Variants in SLC1A5 observed in about 807,000 individuals in gnomAD.
SLC1A5 encodes the protein solute carrier family 1 member 5, also known as neutral amino acid transporter B(0).
In SLC1A5, 25 loss-of-function variants were observed where a neutral mutation model predicts 34.9. The observed-to-expected ratio is 0.72, with a 90% CI of 0.52 to 1.00. The LOEUF (loss-of-function observed/expected upper bound fraction) is 1.00, where lower values mean the gene tolerates loss of function less well. SLC1A5 is among the 50% of genes least tolerant of loss of function. The pLI is 0.00. For missense variants in SLC1A5, 637 were observed against 740.0 expected (o/e 0.86, Z 1.61); for synonymous variants, 351 against 341.2 (o/e 1.03, Z -0.32).
chr19:46,776,968 C>T lies in SLC1A5; in HGVS notation c.1388+7G>A, dbSNP rs1477285785. ...GGCCCTGCCCCAGTCTCCAGACCCA[C>T]ACTCACACTAGCCAGTCCACAGCCA... On this transcript the variant is annotated splice_region_variant and intron_variant, in intron 7 of 7. Transcript: ENST00000542575. 2.5e-6 allele frequency: 4 copies of T among 1,612,912 alleles called. No individual in the cohort carries two copies. In the South Asian group the frequency reaches 3.3e-5, roughly 13 times the overall value.
intron 1 of SLC1A5, 173 bp from the exon 2 acceptor site, chr19:46,784,732 C>G: frequency 6.7e-7 from 1 of 1,499,322 alleles, no homozygotes; most frequent in South Asian, 1.3e-5. Flanking sequence ...TAGGCTTGCA[C>G]CCCTTTGCAG....
chr19:46,788,069 T>C lies in SLC1A5; in HGVS notation c.-104A>G. 1 of 1,070,650 alleles carries C rather than the reference T, an allele frequency of 9.3e-7. No homozygotes were observed. Among genetic ancestry groups the C allele is most frequent in the Non-Finnish European group, 1.3e-6 (1 of 758,030 alleles). The allele number at this position is 1,070,650 out of a possible 1,614,324, so 66.3% of individuals were successfully genotyped here. A position where few individuals can be genotyped will look rare whatever the true frequency, so the allele number is the denominator to read the frequency against. ...TAGGACTGAGTTGAGTAACAGCACC[T>C]GGAGACTGGAACTTTGGAGGGCTCC... On this transcript the variant is annotated 5_prime_UTR_variant, in exon 1 of 8. Coordinates refer to ENST00000542575, the MANE Select transcript of SLC1A5 (RefSeq NM_005628.3).
chr19:46,778,676 T>C lies in SLC1A5; in HGVS notation c.1057A>G (p.Ser353Gly). ...PLATAFGTSS[S>G]SATLPLMMKC... ...CCCTAGCCCACCCCAAGGCCGTACCTGGAAGAGGTCCCAAAGGCAGTGGCC... is the reference window on the plus strand; with the variant it reads ...CCCTAGCCCACCCCAAGGCCGTACCCGGAAGAGGTCCCAAAGGCAGTGGCC... The change falls in exon 5 of 8, where the codon AGT becomes GGT. Residue 353 changes from serine to glycine, a missense_variant and splice_region_variant. Physicochemically the swap from Ser to Gly is moderately conservative, Grantham distance 56 (BLOSUM62 0). Transcript: ENST00000542575. The C allele has an allele frequency of 1.2e-6, 1 of 827,870 alleles. No individual in the cohort carries two copies. The highest frequency in any genetic ancestry group is 1.9e-6 in the Non-Finnish European group (1 of 528,118). 51.3% of individuals were successfully genotyped at this position (827,870 alleles called of 1,614,324 possible).
rs1021901214 is a variant in SLC1A5, at chr19:46,788,232, C to T, written c.-267G>A. 15 of 450,056 alleles carry T rather than the reference C, an allele frequency of 3.3e-5. No homozygotes were observed. The highest frequency in any genetic ancestry group is 2.9e-4 in the African/African-American group (14 of 48,302). The allele number at this position is 450,056 out of a possible 1,614,324, so 27.9% of individuals were successfully genotyped here. ...CCGAAAGCTGGGAGTTCGGAGCGCC[C>T]GGGTTCCTTGGCCCTAGGAGCTGGG... On this transcript the variant is annotated 5_prime_UTR_variant, in exon 1 of 8. Transcript: ENST00000542575.
chr19:46,775,381 G>T lies in SLC1A5; in HGVS notation c.*129C>A. On this transcript the variant is annotated 3_prime_UTR_variant, in exon 8 of 8. Transcript: ENST00000542575. ...TCCCAGATCTCCTGTCCTGGAGGGT[G>T]CTGGGGCCCCTGGCTCCCCAGAGTG... The T allele has an allele frequency of 1.3e-6, 2 of 1,508,076 alleles. No individual in the cohort carries two copies. 93.4% of individuals were successfully genotyped at this position (1,508,076 alleles called of 1,614,324 possible). A position where few individuals can be genotyped will look rare whatever the true frequency, so the allele number is the denominator to read the frequency against.
Position 46,775,207 on chromosome 19 carries a change from CA to C in SLC1A5, c.*302del, listed in dbSNP as rs1395380329. 3 of 1,102,698 alleles carry C rather than the reference CA, an allele frequency of 2.7e-6. No individual in the cohort carries two copies. The highest frequency in any genetic ancestry group is 1.6e-5 in the African/African-American group (1 of 61,014). 68.3% of individuals were successfully genotyped at this position (1,102,698 alleles called of 1,614,324 possible). A position where few individuals can be genotyped will look rare whatever the true frequency, so the allele number is the denominator to read the frequency against. On this transcript the variant is annotated 3_prime_UTR_variant, in exon 8 of 8. Transcript: ENST00000542575. Reference sequence around the variant, plus strand: ...GTGACCTGTGACCTGCTCCCTGAGACAGGGGAGGCCAGGCAGGTCACGGTGG... The same window carrying C: ...GTGACCTGTGACCTGCTCCCTGAGACGGGGAGGCCAGGCAGGTCACGGTGG...
At position 46,774,955 on chromosome 19, in the gene SLC1A5, C is replaced by A; in HGVS notation, c.*555G>T. 8.1e-6 allele frequency: 8 copies of A among 986,012 alleles called. No homozygotes were observed. Among genetic ancestry groups the A allele is most frequent in the Non-Finnish European group, 9.6e-6 (8 of 830,134 alleles). The allele number at this position is 986,012 out of a possible 1,614,324, so 61.1% of individuals were successfully genotyped here. A position where few individuals can be genotyped will look rare whatever the true frequency, so the allele number is the denominator to read the frequency against. ...AGTGACAGCAGGTATTTGTCCTCAG[C>A]CTCTCCCCAGAGTCCCTGGGAGTGT... On this transcript the variant is annotated 3_prime_UTR_variant, in exon 8 of 8. Transcript: ENST00000542575.
In SLC1A5 at chr19:46,787,492, G is replaced by C. The variant is rs1158095154; in HGVS notation, c.474C>G (p.Ala158=). 5.1e-6 allele frequency: 8 copies of C among 1,583,954 alleles called. No homozygotes were observed. Among genetic ancestry groups the C allele is most frequent in the African/African-American group, 2.7e-5 (2 of 74,462 alleles). The change falls in exon 1 of 8, where the codon GCC becomes GCG. Residue 158 remains alanine, a synonymous_variant. Coordinates refer to ENST00000542575, the MANE Select transcript of SLC1A5 (RefSeq NM_005628.3). The surrounding 1 kb of genome is among the most constrained non-coding windows in gnomAD (Gnocchi z 5.2). ...CCACGGAGGCGTTGATGGCGGCGGA[G>C]GCGGCGCCCGGCTGCAGAGCCAGCG... The part of the protein sequence containing the change: ...GLALALQPGA[A]SAAINASVGA...
chr19:46,783,466 CAA>C (rs113636275), intron 3 of SLC1A5, among the ~76,000 whole-genome samples: 3,495 of 99,742 alleles, frequency 0.035, 114 homozygotes, highest in African/African-American at 0.12. Context: ...AATTCTGTCT[CAA>C]AAAAAAAAAA....
chr19:46,788,123 T>C lies in SLC1A5; in HGVS notation c.-158A>G. ...GAGTTGTGAGTTCACAGCACTGAAGTTCCTTGGCTCTTGGAAGCTGGAGTG... is the reference window on the plus strand; with the variant it reads ...GAGTTGTGAGTTCACAGCACTGAAGCTCCTTGGCTCTTGGAAGCTGGAGTG... On this transcript the variant is annotated 5_prime_UTR_variant, in exon 1 of 8. Coordinates refer to ENST00000542575, the MANE Select transcript of SLC1A5 (RefSeq NM_005628.3). 1.5e-6 allele frequency: 1 copy of C among 651,680 alleles called. No homozygotes were observed. Among genetic ancestry groups the C allele is most frequent in the Non-Finnish European group, 2.6e-6 (1 of 390,298 alleles). 40.4% of individuals were successfully genotyped at this position (651,680 alleles called of 1,614,324 possible). A position where few individuals can be genotyped will look rare whatever the true frequency, so the allele number is the denominator to read the frequency against.
At position 46,788,445 on chromosome 19, in the gene SLC1A5, C is replaced by G. The variant is rs2055202472; in HGVS notation, c.-480G>C. 1 of 155,428 alleles carries G rather than the reference C, an allele frequency of 6.4e-6. No individual in the cohort carries two copies. The highest frequency in any genetic ancestry group is 2.0e-4 in the South Asian group (1 of 4,920). 9.6% of individuals were successfully genotyped at this position (155,428 alleles called of 1,614,324 possible). A position where few individuals can be genotyped will look rare whatever the true frequency, so the allele number is the denominator to read the frequency against. On this transcript the variant is annotated 5_prime_UTR_variant, in exon 1 of 8. Coordinates refer to ENST00000542575, the MANE Select transcript of SLC1A5 (RefSeq NM_005628.3). Reference sequence around the variant, plus strand: ...GGGCTGGGATGCCAGAATCTGGGGGCCGGGAAGCGGACCTCCGGAAACAGG... The same window carrying G: ...GGGCTGGGATGCCAGAATCTGGGGGGCGGGAAGCGGACCTCCGGAAACAGG...
chr19:46,784,250 T>C (rs3027957), intron 2 of SLC1A5, 106 bp from the exon 3 acceptor site: 146,603 of 904,864 alleles, frequency 0.16, 13,708 homozygotes, highest in Middle Eastern at 0.25. Context: ...CCTTTCAATG[T>C]GATCTCATTT....
At chr19:46,781,765 T>C (rs2055148059) in intron 4 of SLC1A5, among the ~76,000 whole-genome samples, 1 of 152,138 alleles carries the variant, frequency 6.6e-6, no homozygotes, top group African/African-American at 2.4e-5. Context: ...GGAGGCTAGA[T>C]ACCCAAGTTC....
Position 46,787,461 on chromosome 19 carries a change from C to T in SLC1A5, c.505G>A (p.Ala169Thr), listed in dbSNP as rs2055194499. The change falls in exon 1 of 8, where the codon GCG (alanine) becomes ACG (threonine). Residue 169 changes from alanine (A) to threonine (T), a missense_variant. Transcript: ENST00000542575. The surrounding 1 kb of genome is among the most constrained non-coding windows in gnomAD (Gnocchi z 5.2). ...SAAINASVGA[A>T]GSAENAPSKE... ...CTGGGGGCATTTTCGGCACTGCCCG[C>T]GGCTCCCACGGAGGCGTTGATGGCG... 1.3e-6 allele frequency: 2 copies of T among 1,597,526 alleles called. No homozygotes were observed. The highest frequency in any genetic ancestry group is 1.7e-5 in the Admixed American group (1 of 57,500).
Position 46,778,671 on chromosome 19 carries a change from GT to G in SLC1A5, c.1058+3del. On this transcript the variant is annotated splice_donor_region_variant and intron_variant, in intron 5 of 7. Coordinates refer to ENST00000542575, the MANE Select transcript of SLC1A5 (RefSeq NM_005628.3). ...TCCCACCCTAGCCCACCCCAAGGCC[GT>G]ACCTGGAAGAGGTCCCAAAGGCAGT... is the stretch of plus-strand genomic sequence containing the variant. 7 of 682,846 alleles carry G rather than the reference GT, an allele frequency of 1.0e-5. No homozygotes were observed. Among genetic ancestry groups the G allele is most frequent in the East Asian group, 4.8e-5 (1 of 20,846 alleles). 42.3% of individuals were successfully genotyped at this position (682,846 alleles called of 1,614,324 possible).
chr19:46,786,651 G>T (rs2055188500), intron 1 of SLC1A5, among the ~76,000 whole-genome samples: 8 of 152,210 alleles, frequency 5.3e-5, no homozygotes, highest in Admixed American at 3.9e-4. Context: ...AGCGCAAGGG[G>T]GCCTCTGCCC....
At chr19:46,784,607 G>A (rs966888318) in intron 1 of SLC1A5, 48 bp from the exon 2 acceptor site, 1 of 1,613,960 alleles carries the variant, frequency 6.2e-7, no homozygotes, top group Non-Finnish European at 8.5e-7. Context: ...TAGTGGGAGG[G>A]CAGCATTGTC....
rs1440136986 is a variant in SLC1A5, at chr19:46,775,283, T to C, written c.*227A>G. ...CATCTTGCTGTTTTCTAGCCTTGAG[T>C]TGGGGACATGAGTGAGAACTGGGGG... On this transcript the variant is annotated 3_prime_UTR_variant, in exon 8 of 8. Coordinates refer to ENST00000542575, the MANE Select transcript of SLC1A5 (RefSeq NM_005628.3). 3 of 1,290,076 alleles carry C rather than the reference T, an allele frequency of 2.3e-6. No homozygotes were observed. Among genetic ancestry groups the C allele is most frequent in the Admixed American group, 7.2e-5 (2 of 27,836 alleles). The allele number at this position is 1,290,076 out of a possible 1,614,324, so 79.9% of individuals were successfully genotyped here. A position where few individuals can be genotyped will look rare whatever the true frequency, so the allele number is the denominator to read the frequency against.
In SLC1A5 at chr19:46,788,415, A is replaced by T. The variant is rs1457115751; in HGVS notation, c.-450T>A. 6.3e-6 allele frequency: 1 copy of T among 159,614 alleles called. No individual in the cohort carries two copies. Among genetic ancestry groups the T allele is most frequent in the Non-Finnish European group, 1.4e-5 (1 of 73,446 alleles). 9.9% of individuals were successfully genotyped at this position (159,614 alleles called of 1,614,324 possible). On this transcript the variant is annotated 5_prime_UTR_variant, in exon 1 of 8. Transcript: ENST00000542575. ...GACCCGGGCTGCCTGGGTCTTGGACACTGAGGGCTGGGATGCCAGAATCTG... is the reference window on the plus strand; with the variant it reads ...GACCCGGGCTGCCTGGGTCTTGGACTCTGAGGGCTGGGATGCCAGAATCTG...
Sources: allele counts gnomAD v4.1 joint callset (sites outside exome capture counted in the v4.1 genomes callset), GRCh38; gene constraint gnomAD v4.1.1; non-coding constraint Gnocchi (gnomAD v3.1); transcripts MANE v1.5; gene names NCBI Gene and HGNC (gene_info 2026-07-23, HGNC 2026-07-21).